The following FLVCR2 variants were observed in gnomAD, a reference collection of about 807,000 sequenced individuals.
The protein encoded by FLVCR2 is FLVCR choline and putative heme transporter 2, also known as choline/ethanolamine transporter FLVCR2.
FLVCR2 carries 38 observed loss-of-function variants against 48.9 expected under a neutral mutation model. The observed-to-expected ratio is 0.78, with a 90% CI of 0.60 to 1.02. FLVCR2 has a LOEUF of 1.02. FLVCR2 is among the 50% of genes least tolerant of loss of function. The pLI, the probability that FLVCR2 is intolerant of heterozygous loss-of-function variation, is 0.00. For synonymous variants in FLVCR2, 255 were observed against 257.0 expected (o/e 0.99, Z 0.07); for missense variants, 664 against 663.3 (o/e 1.00, Z -0.01).
Position 75,646,524 on chromosome 14 carries a change from G to T in FLVCR2, c.*52G>T. The T allele has an allele frequency of 7.6e-7, 1 of 1,310,168 alleles. No homozygotes were observed. The highest frequency in any genetic ancestry group is 1.2e-5 in the South Asian group (1 of 84,508). 81.2% of individuals were successfully genotyped at this position (1,310,168 alleles called of 1,614,324 possible). A position where few individuals can be genotyped will look rare whatever the true frequency, so the allele number is the denominator to read the frequency against. On this transcript the variant is annotated 3_prime_UTR_variant, in exon 10 of 10. Transcript: ENST00000238667. ...CACGAACACCCCACCTTTTCCTTCA[G>T]CACAGCTCTCACCGCCAGCACAAAG... is the stretch of plus-strand genomic sequence containing the variant.
At chr14:75,619,663 C>T (rs1889712364) in intron 1 of FLVCR2, among the ~76,000 whole-genome samples, 1 of 152,194 alleles carries the variant, frequency 6.6e-6, no homozygotes, top group East Asian at 1.9e-4. Context: ...TTTGGTTTTC[C>T]ACACTGGGCA....
rs1890252774 is a variant in FLVCR2, at chr14:75,639,435, T to C, written c.1208T>C (p.Val403Ala). Residue 403 changes from valine (V) to alanine (A), a missense_variant, in exon 6 of 10, where the codon GTA (valine) becomes GCA (alanine). Val to Ala is a moderately conservative substitution (Grantham distance 64, BLOSUM62 0). Transcript: ENST00000238667. ...ACCTTGAACCTGGGACACCTGTGGG[T>C]AGTGTTCATCACTGCTGGCACAATG... ...TFTLNLGHLW[V>A]VFITAGTMGF... 6.2e-7 allele frequency: 1 copy of C among 1,613,224 alleles called. No homozygotes were observed. Among genetic ancestry groups the C allele is most frequent in the Admixed American group, 1.7e-5 (1 of 60,008 alleles).
chr14:75,578,666 T>C lies in FLVCR2; in HGVS notation c.-307T>C. On this transcript the variant is annotated 5_prime_UTR_variant, in exon 1 of 10. Coordinates refer to ENST00000238667, the MANE Select transcript of FLVCR2 (RefSeq NM_017791.3). Reference sequence around the variant, plus strand: ...GGCTGCGCAAGGAGAGAACTTTTCCTGCACAAGGAACGCCTCGTGGGGAGA... The same window carrying C: ...GGCTGCGCAAGGAGAGAACTTTTCCCGCACAAGGAACGCCTCGTGGGGAGA... 2.1e-6 allele frequency: 1 copy of C among 482,360 alleles called. No homozygotes were observed. Among genetic ancestry groups the C allele is most frequent in the Non-Finnish European group, 3.8e-6 (1 of 265,650 alleles). 29.9% of individuals were successfully genotyped at this position (482,360 alleles called of 1,614,324 possible). A position where few individuals can be genotyped will look rare whatever the true frequency, so the allele number is the denominator to read the frequency against.
chr14:75,586,277 C>G (rs1351509422), intron 1 of FLVCR2, among the ~76,000 whole-genome samples: 2 of 151,636 alleles, frequency 1.3e-5, no homozygotes, highest in Admixed American at 1.3e-4. Context: ...AAAGTACATT[C>G]TCAAGGGTGG....
Position 75,596,783 on chromosome 14 carries a change from C to G in FLVCR2, c.669+17142C>G, listed in dbSNP as rs867742788. Among the ~76,000 whole-genome samples, 709 of 96,082 alleles carry G rather than the reference C, an allele frequency of 7.4e-3. 8 individuals carry two copies. Among genetic ancestry groups the G allele is most frequent in the African/African-American group, 0.02 (458 of 23,440 alleles). The allele number at this position is 96,082 out of a possible 152,430, so 63.0% of individuals were successfully genotyped here. On this transcript the variant is annotated intron_variant, in intron 1 of 9. Coordinates refer to ENST00000238667, the MANE Select transcript of FLVCR2 (RefSeq NM_017791.3). Reference sequence around the variant, plus strand: ...ATTAAGCAATAACTCCTCTTTTGCCCCCCCCCCCCGCCCCCACATCCCCTG... The same window carrying G: ...ATTAAGCAATAACTCCTCTTTTGCCGCCCCCCCCCGCCCCCACATCCCCTG...
chr14:75,593,990 G>C (rs188560433), intron 1 of FLVCR2, among the ~76,000 whole-genome samples: 1 of 152,230 alleles, frequency 6.6e-6, no homozygotes, highest in East Asian at 1.9e-4. Context: ...CTTCAAAGTA[G>C]CAATACAGCT....
intron 1 of FLVCR2, among the ~76,000 whole-genome samples, chr14:75,613,189 G>T (rs1889505920): frequency 6.6e-6 from 1 of 152,144 alleles, no homozygotes; most frequent in Non-Finnish European, 1.5e-5. Context: ...CTGAGGCTGG[G>T]TGATATATAA....
chr14:75,616,423 G>A (rs1889619102), intron 1 of FLVCR2, among the ~76,000 whole-genome samples: 1 of 152,136 alleles, frequency 6.6e-6, no homozygotes, highest in African/African-American at 2.4e-5. Flanking sequence ...AAATTTGATG[G>A]AAGCCTTCAG....
rs771061287 is a variant in FLVCR2 at position 75,640,989 on chromosome 14, G to C, written c.1270G>C (p.Glu424Gln). 5.0e-6 allele frequency: 8 copies of C among 1,614,072 alleles called. No individual in the cohort carries two copies. The highest frequency in any genetic ancestry group is 6.8e-6 in the Non-Finnish European group (8 of 1,179,972). The change falls in exon 7 of 10, where the codon GAG becomes CAG. Residue 424 changes from glutamate to glutamine, a missense_variant. Transcript: ENST00000238667. ...FMTGYLPLGFEFAVELTYPES... is the reference protein window; with the variant it reads ...FMTGYLPLGFQFAVELTYPES... ...GACTGGCTATCTCCCACTGGGATTT[G>C]AGTTTGCTGTGGAGCTCACGTACCC...
intron 1 of FLVCR2, among the ~76,000 whole-genome samples, chr14:75,596,470 A>C (rs1000375726): frequency 1.3e-5 from 2 of 152,076 alleles, no homozygotes; most frequent in Non-Finnish European, 2.9e-5. Context: ...TTTTCATCCT[A>C]TCTAAAGGCA....
chr14:75,592,758 G>A (rs1369898613), intron 1 of FLVCR2, among the ~76,000 whole-genome samples: 1 of 152,124 alleles, frequency 6.6e-6, no homozygotes, highest in East Asian at 1.9e-4. Context: ...GGAGGCCGAG[G>A]TGGGCGGATC....
chr14:75,641,280 A>T lies in FLVCR2; in HGVS notation c.1440A>T (p.Gly480=). ...TCCTGTGTGTGTTCCTTACTCTTGG[A>T]GCAGCCCTCACTGGTGAGTTGGAGC... ...NIFLCVFLTL[G]AALTAFIKAD... is the part of the protein sequence containing the mutation. The change falls in exon 8 of 10, where the codon GGA becomes GGT. Residue 480 remains glycine (G), a synonymous_variant. Transcript: ENST00000238667. The T allele has an allele frequency of 6.2e-7, 1 of 1,613,498 alleles. No homozygotes were observed. Among genetic ancestry groups the T allele is most frequent in the Non-Finnish European group, 8.5e-7 (1 of 1,179,596 alleles).
At chr14:75,612,640 A>G (rs1489653414) in intron 1 of FLVCR2, among the ~76,000 whole-genome samples, 1 of 152,160 alleles carries the variant, frequency 6.6e-6, no homozygotes, top group Non-Finnish European at 1.5e-5. Context: ...ATTATCGGTT[A>G]CCGTGGAGCC....
intron 1 of FLVCR2, among the ~76,000 whole-genome samples, chr14:75,611,749 C>G (rs1384332274): frequency 6.6e-6 from 1 of 151,954 alleles, no homozygotes; most frequent in Non-Finnish European, 1.5e-5. Context: ...AACAAACAAA[C>G]AAACAAACAA....
intron 1 of FLVCR2, among the ~76,000 whole-genome samples, chr14:75,591,420 C>T (rs1888874343): frequency 6.6e-6 from 1 of 152,228 alleles, no homozygotes; most frequent in Non-Finnish European, 1.5e-5. Context: ...ACACTAGTGC[C>T]AGGAGGGGGT....
At chr14:75,638,759 A>G (rs1890230282) in intron 5 of FLVCR2, among the ~76,000 whole-genome samples, 1 of 152,228 alleles carries the variant, frequency 6.6e-6, no homozygotes, top group African/African-American at 2.4e-5. Flanking sequence ...AGTGGGTTCT[A>G]CAGAAAGGGA....
intron 3 of FLVCR2, among the ~76,000 whole-genome samples, chr14:75,631,140 C>T (rs554811807): frequency 9.8e-5 from 15 of 152,360 alleles, no homozygotes; most frequent in African/African-American, 3.6e-4. Context: ...GCTGCAGAAA[C>T]AGTGGAACAG....
intron 3 of FLVCR2, among the ~76,000 whole-genome samples, chr14:75,628,987 G>T (rs182354751): frequency 6.6e-6 from 1 of 152,218 alleles, no homozygotes; most frequent in Non-Finnish European, 1.5e-5. Flanking sequence ...TTCACTAAGA[G>T]GGGGAGTAAC....
intron 1 of FLVCR2, among the ~76,000 whole-genome samples, chr14:75,602,004 G>C (rs1889178080): frequency 6.6e-6 from 1 of 152,242 alleles, no homozygotes; most frequent in South Asian, 2.1e-4. Context: ...ACATTTCCTA[G>C]TTTATTATAC....
Sources: allele counts gnomAD v4.1 joint callset (sites outside exome capture counted in the v4.1 genomes callset), GRCh38; gene constraint gnomAD v4.1.1; transcripts MANE v1.5; gene names NCBI Gene and HGNC (gene_info 2026-07-23, HGNC 2026-07-21).